The following WWOX variants were observed in gnomAD, a reference collection of about 807,000 sequenced individuals.
WWOX encodes the protein WW domain-containing oxidoreductase.
A neutral mutation model predicts 46.2 loss-of-function variants in WWOX; 69 were observed. That is an observed-to-expected ratio of 1.49 (90% CI 1.23 to 1.82). The LOEUF (loss-of-function observed/expected upper bound fraction) is 1.82. WWOX is among the 40% of genes most tolerant of loss of function. WWOX has a pLI of 0.00. For synonymous variants in WWOX, 359 were observed against 202.6 expected (o/e 1.77, Z -6.56); for missense variants, 919 against 542.6 (o/e 1.69, Z -6.89).
chr16:78,562,177 C>T (rs1038512267), intron 8 of WWOX, among the ~76,000 whole-genome samples: 2 of 152,178 alleles, frequency 1.3e-5, no homozygotes, highest in African/African-American at 2.4e-5. Flanking sequence ...TCTAGCTTCT[C>T]AAACTGTTTC....
At chr16:78,597,103 T>G (rs993760521) in intron 8 of WWOX, among the ~76,000 whole-genome samples, 1 of 152,206 alleles carries the variant, frequency 6.6e-6, no homozygotes, top group African/African-American at 2.4e-5. Flanking sequence ...TGCTAGTATC[T>G]TTGTGAAAAC....
chr16:78,225,689 A>C (rs1384030502), intron 5 of WWOX, among the ~76,000 whole-genome samples: 1 of 152,212 alleles, frequency 6.6e-6, no homozygotes, highest in African/African-American at 2.4e-5. Flanking sequence ...AACACCAGTT[A>C]TTGCAATAAG....
chr16:78,564,039 C>T (rs2044504253), intron 8 of WWOX, among the ~76,000 whole-genome samples: 1 of 152,314 alleles, frequency 6.6e-6, no homozygotes, highest in East Asian at 1.9e-4. Context: ...GGCTAGCCTT[C>T]TGGGCGATGA....
intron 8 of WWOX, among the ~76,000 whole-genome samples, chr16:79,182,730 A>G (rs1015547159): frequency 3.3e-5 from 5 of 152,202 alleles, no homozygotes; most frequent in African/African-American, 1.2e-4. Context: ...GGATAATTAT[A>G]GTTTTTACTG....
rs546185508 is a variant in WWOX at position 78,194,115 on chromosome 16, T to G, written c.516+29826T>G. Among the ~76,000 whole-genome samples the G allele has an allele frequency of 1.1e-4, 17 of 151,866 alleles. No individual in the cohort carries two copies. The South Asian group carries it at 3.1e-3, about 28-fold the overall frequency. On this transcript the variant is annotated intron_variant, in intron 5 of 8. Coordinates refer to ENST00000566780, the MANE Select transcript of WWOX (RefSeq NM_016373.4). ...GGATGGTCTCGATCTCCTGACCTCG[T>G]GATCCGTCCGCCTCGGCCTCCCAAA...
rs78607378 is a variant in WWOX at position 78,748,119 on chromosome 16, A to G, written c.1056+315367A>G. On this transcript the variant is annotated intron_variant, in intron 8 of 8. Transcript: ENST00000566780. Reference sequence around the variant, plus strand: ...CTTTCTCTCCCAGACCGGACCCTCCACTCCTCTATCTCGCATTTATCCATT... The same window carrying G: ...CTTTCTCTCCCAGACCGGACCCTCCGCTCCTCTATCTCGCATTTATCCATT... 5.1e-3 allele frequency among the ~76,000 whole-genome samples: 781 copies of G among 151,674 alleles called. 4 individuals are homozygous for G. Among genetic ancestry groups the G allele is most frequent in the African/African-American group, 0.017 (707 of 41,324 alleles).
chr16:78,440,090 G>A (rs1237347456), intron 8 of WWOX, among the ~76,000 whole-genome samples: 1 of 152,154 alleles, frequency 6.6e-6, no homozygotes, highest in Non-Finnish European at 1.5e-5. Flanking sequence ...TAGAGTGGCA[G>A]GCGAACTCTG....
chr16:78,637,813 G>T (rs1045446146), intron 8 of WWOX, among the ~76,000 whole-genome samples: 1 of 152,110 alleles, frequency 6.6e-6, no homozygotes, highest in African/African-American at 2.4e-5. Context: ...CATTGTCCCA[G>T]GCCAGGGCCT....
At chr16:79,126,489 C>T (rs1032310653) in intron 8 of WWOX, among the ~76,000 whole-genome samples, 4 of 152,008 alleles carry the variant, frequency 2.6e-5, no homozygotes, top group African/African-American at 4.8e-5. Context: ...TTTGGTAGTT[C>T]GTTCTGTGTT....
intron 5 of WWOX, among the ~76,000 whole-genome samples, chr16:78,248,414 AG>A (rs1211272850): frequency 3.3e-5 from 5 of 152,200 alleles, no homozygotes; most frequent in African/African-American, 9.6e-5. Flanking sequence ...ACCTTCCACC[AG>A]GCCCCACCTC....
In WWOX at chr16:78,691,330, A is replaced by G. The variant is rs77579885; in HGVS notation, c.1056+258578A>G. 3.1e-3 allele frequency: 2,168 copies of G among 699,862 alleles called. 29 individuals carry two copies. In the African/African-American group the frequency reaches 0.035, roughly 11 times the overall value. The allele number at this position is 699,862 out of a possible 1,614,324, so 43.4% of individuals were successfully genotyped here. A position where few individuals can be genotyped will look rare whatever the true frequency, so the allele number is the denominator to read the frequency against. On this transcript the variant is annotated intron_variant, in intron 8 of 8. Coordinates refer to ENST00000566780, the MANE Select transcript of WWOX (RefSeq NM_016373.4). ...CTTGTAAAAGATTTACAATTATTTC[A>G]TTTTCAACATAGCTTTATCTTATGA... is the stretch of plus-strand genomic sequence containing the variant.
chr16:78,903,669 C>T (rs1373402423), intron 8 of WWOX, among the ~76,000 whole-genome samples: 1 of 152,152 alleles, frequency 6.6e-6, no homozygotes, highest in East Asian at 1.9e-4. Context: ...AGATTCTATT[C>T]CCCAGCCTCA....
intron 8 of WWOX, among the ~76,000 whole-genome samples, chr16:78,537,763 A>T (rs2043794131): frequency 6.6e-6 from 1 of 152,116 alleles, no homozygotes; most frequent in Non-Finnish European, 1.5e-5. Flanking sequence ...TGGATTTGGC[A>T]GCTGGTTTTG....
At chr16:79,211,495 G>T (rs1290564128) in intron 8 of WWOX, 113 bp from the exon 9 acceptor site, 11 of 1,378,684 alleles carry the variant, frequency 8.0e-6, no homozygotes, top group Non-Finnish European at 8.1e-6. Context: ...CCAAGATCCA[G>T]CTGAAACTGA....
At chr16:79,023,982 A>C (rs542898119) in intron 8 of WWOX, among the ~76,000 whole-genome samples, 163 of 152,022 alleles carry the variant, frequency 1.1e-3, no homozygotes, top group Non-Finnish European at 1.6e-3. Flanking sequence ...ACATTATATT[A>C]AGTGAAAGAA....
chr16:79,061,824 G>A (rs189774161), intron 8 of WWOX, among the ~76,000 whole-genome samples: 1 of 150,554 alleles, frequency 6.6e-6, no homozygotes, highest in African/African-American at 2.4e-5. Flanking sequence ...TGGGTTCTTT[G>A]AGTATACTCA....
At chr16:78,968,124 GCGCGT>G (rs2046398782) in intron 8 of WWOX, among the ~76,000 whole-genome samples, 1 of 7,532 alleles carries the variant, frequency 1.3e-4, no homozygotes, top group African/African-American at 2.8e-4. Flanking sequence ...GCGTGGCACA[GCGCGT>G]GGTCCGTGTG....
chr16:78,934,638 G>A (rs1479362384), intron 8 of WWOX, among the ~76,000 whole-genome samples: 1 of 152,002 alleles, frequency 6.6e-6, no homozygotes, highest in Non-Finnish European at 1.5e-5. Flanking sequence ...CGCAGGCCTT[G>A]CTAATGTGGG....
chr16:79,072,263 G>C (rs990814025), intron 8 of WWOX, among the ~76,000 whole-genome samples: 1 of 152,184 alleles, frequency 6.6e-6, no homozygotes, highest in Non-Finnish European at 1.5e-5. Flanking sequence ...TCTAGCCTGA[G>C]TAACAGAATG....
Sources: allele counts gnomAD v4.1 joint callset (sites outside exome capture counted in the v4.1 genomes callset), GRCh38; gene constraint gnomAD v4.1.1; transcripts MANE v1.5; gene names NCBI Gene and HGNC (gene_info 2026-07-23, HGNC 2026-07-21).